The following XPOT variants were observed in gnomAD, a reference collection of about 807,000 sequenced individuals.
XPOT encodes exportin for tRNA, also known as exportin-T.
Under a neutral mutation model 128.2 loss-of-function variants are expected in XPOT, and 34 were observed. The ratio of observed to expected loss-of-function variants is 0.27; its 90% CI spans 0.20 to 0.35. The LOEUF is 0.35. Ranked by LOEUF, XPOT falls within the 10% of genes least tolerant of loss-of-function variation. The pLI is 1.00. For synonymous variants in XPOT, 348 were observed against 394.3 expected, an observed-to-expected ratio of 0.88 and a Z score of 1.39; for missense variants, 838 against 1,125.3, an observed-to-expected ratio of 0.74 and a Z score of 3.65.
chr12:64,438,076 G>A (rs1049362078), intron 22 of XPOT, among the ~76,000 whole-genome samples: 2 of 152,166 alleles, frequency 1.3e-5, no homozygotes, highest in East Asian at 1.9e-4. Flanking sequence ...ATTGGATGGC[G>A]TTGTTTGGAT....
intron 13 of XPOT, 55 bp from the exon 14 acceptor site, chr12:64,425,283 G>T (rs2040180797): frequency 6.2e-7 from 1 of 1,609,328 alleles, no homozygotes; most frequent in African/African-American, 1.3e-5. Flanking sequence ...TAATACCGGG[G>T]CATTTTGATG....
intron 22 of XPOT, 100 bp from the exon 23 acceptor site, chr12:64,439,144 A>G: frequency 8.6e-7 from 1 of 1,159,210 alleles, no homozygotes; most frequent in Non-Finnish European, 1.3e-6. Flanking sequence ...CTTAAGCACA[A>G]TACTATATTG....
chr12:64,420,097 G>T lies in XPOT; in HGVS notation c.517G>T (p.Asp173Tyr). ...EEARRNTLIKDTMREQCIPNL... is the reference protein window; with the variant it reads ...EEARRNTLIKYTMREQCIPNL... ...GGCTCGTAGGAATACTCTCATAAAA[G>T]ATACCATGAGGGAACAGTGCATTCC... is the stretch of plus-strand genomic sequence containing the variant. Residue 173 changes from aspartate to tyrosine, a missense_variant, in exon 7 of 25, where the codon GAT becomes TAT. Physicochemically the swap from Asp to Tyr is radical, Grantham distance 160. Coordinates refer to ENST00000332707, the MANE Select transcript of XPOT (RefSeq NM_007235.6). The T allele has an allele frequency of 6.3e-7, 1 of 1,586,956 alleles. No individual in the cohort carries two copies. The highest frequency in any genetic ancestry group is 8.5e-7 in the Non-Finnish European group (1 of 1,171,716).
At chr12:64,446,531 A>G (rs1279342313) in intron 24 of XPOT, among the ~76,000 whole-genome samples, 4 of 151,702 alleles carry the variant, frequency 2.6e-5, no homozygotes, top group African/African-American at 7.3e-5. Flanking sequence ...AGCCAGGCTG[A>G]TGTGTTTGAA....
intron 18 of XPOT, 42 bp from the exon 19 acceptor site, chr12:64,433,372 A>G (rs769668443): frequency 6.0e-6 from 9 of 1,490,632 alleles, no homozygotes; most frequent in Non-Finnish European, 8.1e-6. Flanking sequence ...TTGTATGTTA[A>G]TATTGTTACT....
chr12:64,424,657 G>A lies in XPOT; in HGVS notation c.1241G>A (p.Arg414Lys). 1.2e-6 allele frequency: 2 copies of A among 1,612,728 alleles called. No individual in the cohort carries two copies. Among genetic ancestry groups the A allele is most frequent in the South Asian group, 1.1e-5 (1 of 91,016 alleles). ...AAACAACTGAAGTTACTGTTGGACAGGCTTGCTCAAGTTTCACCAGAGTTA... is the reference window on the plus strand; with the variant it reads ...AAACAACTGAAGTTACTGTTGGACAAGCTTGCTCAAGTTTCACCAGAGTTA... ...YRKQLKLLLD[R>K]LAQVSPELLL... Residue 414 changes from arginine (R) to lysine (K), a missense_variant, in exon 12 of 25, where the codon AGG (arginine) becomes AAG (lysine). By Grantham distance (26) the Arg-to-Lys change is conservative (BLOSUM62 2). Coordinates refer to ENST00000332707, the MANE Select transcript of XPOT (RefSeq NM_007235.6).
At chr12:64,415,041 G>A in intron 3 of XPOT, 52 bp downstream of exon 3, 2 of 1,137,828 alleles carry the variant, frequency 1.8e-6, no homozygotes, top group Non-Finnish European at 2.6e-6. Flanking sequence ...GGACATGACA[G>A]GACTGTGAAA....
Position 64,423,048 on chromosome 12 carries a change from T to C in XPOT, c.1119+5T>C. 1.2e-6 allele frequency: 2 copies of C among 1,613,272 alleles called. No individual in the cohort carries two copies. The highest frequency in any genetic ancestry group is 1.7e-6 in the Non-Finnish European group (2 of 1,179,844). ...CAGCAAAAAGCTAATGTAGAGGTAA[T>C]TGACTTTATGCTTCTTTTAAACCAA... On this transcript the variant is annotated splice_donor_5th_base_variant and intron_variant, in intron 10 of 24. Coordinates refer to ENST00000332707, the MANE Select transcript of XPOT (RefSeq NM_007235.6).
At chr12:64,415,216 A>G (rs2040076756) in intron 3 of XPOT, among the ~76,000 whole-genome samples, 2 of 151,878 alleles carry the variant, frequency 1.3e-5, no homozygotes, top group Non-Finnish European at 2.9e-5. Flanking sequence ...TTTGGTATAT[A>G]TTGTGTACCT....
intron 3 of XPOT, among the ~76,000 whole-genome samples, chr12:64,415,811 C>A (rs1320630903): frequency 6.6e-6 from 1 of 152,144 alleles, no homozygotes; most frequent in Non-Finnish European, 1.5e-5. Flanking sequence ...ACACCTGTAA[C>A]CCATCCTCTA....
chr12:64,445,894 T>C (rs567425669), intron 24 of XPOT, among the ~76,000 whole-genome samples: 9 of 152,358 alleles, frequency 5.9e-5, no homozygotes, highest in Admixed American at 1.3e-4. Context: ...CTGGTTCTTT[T>C]AGCAAAGACA....
rs1281849543 is a variant in XPOT at position 64,412,021 on chromosome 12, G to A, written c.60+1926G>A. ...CTCTCCTTCCTCTCACCCCTGCCCC[G>A]CCCCCCGCCCTTTTTTTTTTGAGAC... On this transcript the variant is annotated intron_variant, in intron 2 of 24. Transcript: ENST00000332707. Among the ~76,000 whole-genome samples the A allele has an allele frequency of 7.2e-5, 5 of 69,686 alleles. No homozygotes were observed. In the South Asian group the frequency reaches 1.9e-3, roughly 26 times the overall value. 45.7% of individuals were successfully genotyped at this position (69,686 alleles called of 152,430 possible). A position where few individuals can be genotyped will look rare whatever the true frequency, so the allele number is the denominator to read the frequency against.
intron 2 of XPOT, among the ~76,000 whole-genome samples, chr12:64,411,772 T>C (rs965963548): frequency 5.9e-5 from 9 of 152,192 alleles, no homozygotes; most frequent in African/African-American, 2.2e-4. Flanking sequence ...CTCAGTTGTC[T>C]ATCTGTAATT....
At chr12:64,407,475 G>A (rs2039993784) in intron 1 of XPOT, among the ~76,000 whole-genome samples, 1 of 143,088 alleles carries the variant, frequency 7.0e-6, no homozygotes, top group Non-Finnish European at 1.5e-5. Flanking sequence ...AACAGAGTGA[G>A]ACTGTCTCAA....
chr12:64,407,841 G>A (rs1379147841), intron 1 of XPOT, among the ~76,000 whole-genome samples: 2 of 152,178 alleles, frequency 1.3e-5, no homozygotes, highest in Admixed American at 6.5e-5. Flanking sequence ...AAGTCTGCAA[G>A]TACGTTATGA....
chr12:64,417,817 G>C (rs773546388), intron 4 of XPOT, among the ~76,000 whole-genome samples: 4 of 152,178 alleles, frequency 2.6e-5, no homozygotes, highest in Non-Finnish European at 4.4e-5. Context: ...GCCATCATTT[G>C]TTTCAACATG....
At chr12:64,413,165 A>G (rs755230435) in intron 2 of XPOT, among the ~76,000 whole-genome samples, 1 of 152,146 alleles carries the variant, frequency 6.6e-6, no homozygotes, top group East Asian at 1.9e-4. Context: ...ACACCAAGTT[A>G]CCTCATTAAC....
At chr12:64,409,235 AATT>A (rs1346159846) in intron 1 of XPOT, among the ~76,000 whole-genome samples, 2 of 152,334 alleles carry the variant, frequency 1.3e-5, no homozygotes, top group South Asian at 2.1e-4. Context: ...GAAGTAGACA[AATT>A]ATTATAATTA....
chr12:64,429,453 T>G (rs34636880), intron 16 of XPOT, among the ~76,000 whole-genome samples: 19,209 of 151,864 alleles, frequency 0.13, 1,347 homozygotes, highest in Middle Eastern at 0.22. Flanking sequence ...ACTTTTTTTT[T>G]TTTTTTTGAG....
Sources: gnomAD v4.1 joint callset for allele counts (sites outside exome capture counted in the v4.1 genomes callset) on GRCh38, gnomAD v4.1.1 for gene constraint, MANE v1.5 for transcripts, NCBI Gene and HGNC (gene_info 2026-07-23, HGNC 2026-07-21) for gene names.